WDFY4: variants seen among roughly 807,000 people sequenced by gnomAD.
WDFY4 encodes the protein WD repeat- and FYVE domain-containing protein 4.
Under a neutral mutation model 351.9 loss-of-function variants are expected in WDFY4, and 169 were observed. That is an observed-to-expected ratio of 0.48 (90% confidence interval 0.42 to 0.55). The LOEUF is 0.55. Among genes scored for constraint, WDFY4 ranks in the 20% least tolerant of loss-of-function variants. WDFY4 has a pLI of 0.00. For synonymous variants in WDFY4, 1,622 were observed against 1,574.6 expected, an observed-to-expected ratio of 1.03 and a Z score of -0.71; for missense variants, 3,803 against 3,935.6, an observed-to-expected ratio of 0.97 and a Z score of 0.90.
chr10:48,794,757 A>G (rs1449956340), intron 23 of WDFY4, among the ~76,000 whole-genome samples: 1 of 144,206 alleles, frequency 6.9e-6, no homozygotes, highest in African/African-American at 2.4e-5. Context: ...ATGCTGATAA[A>G]GAATAGCACA....
intron 47 of WDFY4, among the ~76,000 whole-genome samples, chr10:48,936,953 C>T (rs1334541071): frequency 6.6e-6 from 1 of 150,732 alleles, no homozygotes; most frequent in African/African-American, 2.4e-5. Flanking sequence ...TAGTCTCACT[C>T]TTGTCACCCA....
chr10:48,886,164 C>T (rs2070448280), intron 43 of WDFY4, among the ~76,000 whole-genome samples: 1 of 152,200 alleles, frequency 6.6e-6, no homozygotes, highest in Non-Finnish European at 1.5e-5. Flanking sequence ...CTCTGGACCT[C>T]AGTTTTCCTA....
intron 53 of WDFY4, among the ~76,000 whole-genome samples, chr10:48,962,667 C>A (rs186944690): frequency 2.0e-5 from 3 of 152,272 alleles, no homozygotes; most frequent in Admixed American, 1.3e-4. Context: ...TGGATGACAC[C>A]TTTTATGAGG....
At chr10:48,952,623 G>A (rs918349029) in intron 51 of WDFY4, among the ~76,000 whole-genome samples, 18 of 152,110 alleles carry the variant, frequency 1.2e-4, no homozygotes, top group Non-Finnish European at 5.9e-5. Context: ...AAGGAGATAC[G>A]ACATGAGCCA....
At chr10:48,842,202 A>G (rs1442739519) in intron 39 of WDFY4, among the ~76,000 whole-genome samples, 1 of 151,916 alleles carries the variant, frequency 6.6e-6, no homozygotes, top group Non-Finnish European at 1.5e-5. Flanking sequence ...TGTCCCCTTA[A>G]AAGGATCAGT....
At chr10:48,818,078 G>A (rs576990531) in intron 32 of WDFY4, among the ~76,000 whole-genome samples, 4 of 152,342 alleles carry the variant, frequency 2.6e-5, no homozygotes, top group South Asian at 2.1e-4. Flanking sequence ...GCTGGGAAGC[G>A]AGAAGGAGGT....
chr10:48,814,036 A>G lies in WDFY4; in HGVS notation c.5294A>G (p.Glu1765Gly). The G allele has an allele frequency of 7.1e-6, 11 of 1,550,464 alleles. No homozygotes were observed. Among genetic ancestry groups the G allele is most frequent in the Non-Finnish European group, 9.6e-6 (11 of 1,146,188 alleles). The change falls in exon 31 of 62, where the codon GAA becomes GGA. Residue 1765 changes from glutamate to glycine, a missense_variant. Glu to Gly is a moderately conservative substitution (Grantham distance 98, BLOSUM62 -2). Coordinates refer to ENST00000325239, the MANE Select transcript of WDFY4 (RefSeq NM_001394531.1). ...GTCCTCCAGGCTGGGCTGTGCACAG[A>G]AGGTGCCTTGCTCCTCCTGGAAATG... ...EEVLQAGLCT[E>G]GALLLLEMLK...
chr10:48,766,103 C>T (rs4838647), intron 13 of WDFY4, among the ~76,000 whole-genome samples: 30,257 of 152,124 alleles, frequency 0.2, 3,292 homozygotes, highest in Middle Eastern at 0.26. Context: ...CCATTTCCAC[C>T]AACAAGGAAA....
intron 46 of WDFY4, among the ~76,000 whole-genome samples, chr10:48,901,218 A>T (rs564469870): frequency 3.3e-5 from 5 of 152,258 alleles, no homozygotes; most frequent in Non-Finnish European, 7.3e-5. Context: ...CGGTTCTTCC[A>T]TGCTGCTGCT....
chr10:48,961,282 C>A (rs904394052), intron 53 of WDFY4, among the ~76,000 whole-genome samples: 1 of 152,162 alleles, frequency 6.6e-6, no homozygotes, highest in East Asian at 1.9e-4. Context: ...GCAGCAGCAG[C>A]CATAGTCTGA....
intron 9 of WDFY4, 76 bp from the exon 10 acceptor site, chr10:48,733,855 G>T: frequency 7.7e-7 from 1 of 1,302,250 alleles, no homozygotes; most frequent in South Asian, 1.3e-5. Context: ...TAAGAGGATA[G>T]AAAGCTGGAG....
intron 24 of WDFY4, among the ~76,000 whole-genome samples, chr10:48,800,734 T>TC (rs1565214027): frequency 2.4e-5 from 3 of 126,790 alleles, no homozygotes; most frequent in Non-Finnish European, 5.2e-5. Context: ...TTCTTTCTTT[T>TC]TTTTTTTTTT....
chr10:48,783,344 T>A (rs548663418), intron 19 of WDFY4, among the ~76,000 whole-genome samples: 34 of 152,068 alleles, frequency 2.2e-4, no homozygotes, highest in African/African-American at 8.0e-4. Context: ...TTTATTTGTA[T>A]TTTTTATTGT....
chr10:48,785,588 G>A (rs1381953491), intron 19 of WDFY4, among the ~76,000 whole-genome samples: 2 of 152,208 alleles, frequency 1.3e-5, no homozygotes, highest in African/African-American at 4.8e-5. Context: ...TTGTTGAAGA[G>A]TCTATCATTT....
At chr10:48,726,139 C>A in intron 6 of WDFY4, 69 bp downstream of exon 6, 1 of 1,469,786 alleles carries the variant, frequency 6.8e-7, no homozygotes, top group Non-Finnish European at 9.1e-7. Context: ...AGAGCAAAGG[C>A]TGAGGGCCCA....
chr10:48,859,850 C>T (rs182133181), intron 39 of WDFY4, among the ~76,000 whole-genome samples: 132 of 152,228 alleles, frequency 8.7e-4, no homozygotes, highest in African/African-American at 3.0e-3. Context: ...TTTTTGGAGA[C>T]TTTAAAAATT....
At chr10:48,820,175 G>C in intron 32 of WDFY4, 59 bp from the exon 33 acceptor site, 4 of 1,523,690 alleles carry the variant, frequency 2.6e-6, no homozygotes, top group Non-Finnish European at 3.6e-6. Context: ...GGCACAGGTT[G>C]GTGGGAAAGA....
At position 48,946,100 on chromosome 10, in the gene WDFY4, A is replaced by T; in HGVS notation, c.7810A>T (p.Thr2604Ser). The change falls in exon 50 of 62, where the codon ACC becomes TCC. Residue 2604 changes from threonine (T) to serine (S), a missense_variant. Around this residue, in one of 3 missense-constraint regions of WDFY4, gnomAD observed 3,054 missense variants for 3,148.6 expected, o/e 0.97. Coordinates refer to ENST00000325239, the MANE Select transcript of WDFY4 (RefSeq NM_001394531.1). ...TCTTTCAAAGCCCATGGGGGCTCAG[A>T]CCAAGGAAAGGAAGCTGAAATTTAT... ...RDLSKPMGAQ[T>S]KERKLKFIQR... The T allele has an allele frequency of 6.5e-7, 1 of 1,549,304 alleles. No homozygotes were observed. The highest frequency in any genetic ancestry group is 8.7e-7 in the Non-Finnish European group (1 of 1,146,418).
At chr10:48,802,704 T>A (rs770412735) in intron 24 of WDFY4, 30 of 471,146 alleles carry the variant, frequency 6.4e-5, no homozygotes, top group Non-Finnish European at 1.2e-4. Flanking sequence ...GTGAATTTCA[T>A]ATCTTTGTTT....
Sources: allele counts gnomAD v4.1 joint callset (sites outside exome capture counted in the v4.1 genomes callset), GRCh38; gene constraint gnomAD v4.1.1; regional missense constraint gnomAD v4.1.1; transcripts MANE v1.5; gene names NCBI Gene and HGNC (gene_info 2026-07-23, HGNC 2026-07-21).